ZNF407: variants seen among roughly 807,000 people sequenced by gnomAD.
The protein encoded by ZNF407 is zinc finger protein 407.
ZNF407 carries 17 observed loss-of-function variants against 131.2 expected under a neutral mutation model. The ratio of observed to expected loss-of-function variants is 0.13; its 90% CI spans 0.09 to 0.19. The LOEUF is 0.19. Among genes scored for constraint, ZNF407 ranks in the 10% least tolerant of loss-of-function variants. The pLI is 1.00. For synonymous variants in ZNF407, 1,156 were observed against 1,062.0 expected (o/e 1.09, Z -1.72); for missense variants, 2,681 against 2,830.6 (o/e 0.95, Z 1.20).
intron 4 of ZNF407, among the ~76,000 whole-genome samples, chr18:74,839,911 C>T (rs1484627581): frequency 6.6e-6 from 1 of 152,164 alleles, no homozygotes; most frequent in East Asian, 1.9e-4. Flanking sequence ...CCGTTAGACT[C>T]TATAAAGCAC....
chr18:74,631,653 C>A lies in ZNF407; in HGVS notation c.634C>A (p.Pro212Thr). 6.2e-7 allele frequency: 1 copy of A among 1,613,962 alleles called. No individual in the cohort carries two copies. Among genetic ancestry groups the A allele is most frequent in the Non-Finnish European group, 8.5e-7 (1 of 1,179,880 alleles). The part of the protein sequence containing the change: ...EKHAESHMQQ[P>T]KEHTCCHCSH... ...ACATGCTGAGTCTCACATGCAGCAG[C>A]CTAAGGAACATACCTGTTGTCACTG... Residue 212 changes from proline to threonine, a missense_variant, in exon 2 of 9, where the codon CCT (proline) becomes ACT (threonine). Coordinates refer to ENST00000299687, the MANE Select transcript of ZNF407 (RefSeq NM_017757.3).
In ZNF407 at chr18:74,740,432, G is replaced by A. The variant is rs540864814; in HGVS notation, c.4803-40996G>A. Among the ~76,000 whole-genome samples the A allele has an allele frequency of 2.6e-5, 4 of 152,294 alleles. No individual in the cohort carries two copies. In the East Asian group the frequency reaches 7.7e-4, roughly 29 times the overall value. ...TAACGTTTACAGGTTCCAGGGGTTA[G>A]GACCCGATATCTTTGGGGATCACCA... On this transcript the variant is annotated intron_variant, in intron 3 of 8. Transcript: ENST00000299687.
At chr18:74,714,713 G>T (rs1274449570) in intron 3 of ZNF407, among the ~76,000 whole-genome samples, 2 of 151,988 alleles carry the variant, frequency 1.3e-5, no homozygotes, top group African/African-American at 4.8e-5. Context: ...TCATATGTGG[G>T]TTGAACAATA....
At chr18:74,664,512 C>A (rs913965726) in intron 3 of ZNF407, among the ~76,000 whole-genome samples, 1 of 152,114 alleles carries the variant, frequency 6.6e-6, no homozygotes, top group Non-Finnish European at 1.5e-5. Context: ...AACAAACAAA[C>A]AAACAAAAGG....
At chr18:74,691,846 C>G (rs924853094) in intron 3 of ZNF407, among the ~76,000 whole-genome samples, 2 of 152,120 alleles carry the variant, frequency 1.3e-5, no homozygotes, top group Non-Finnish European at 2.9e-5. Context: ...GTAATCCCAG[C>G]ACTTTGGGAG....
intron 4 of ZNF407, among the ~76,000 whole-genome samples, chr18:74,827,376 C>T (rs144133428): frequency 7.2e-5 from 11 of 152,164 alleles, no homozygotes; most frequent in Non-Finnish European, 1.3e-4. Flanking sequence ...TTTCTGTTGA[C>T]ATTTCTTTTC....
intron 4 of ZNF407, among the ~76,000 whole-genome samples, chr18:74,856,573 G>A (rs1299673001): frequency 1.3e-5 from 2 of 152,110 alleles, no homozygotes; most frequent in African/African-American, 2.4e-5. Flanking sequence ...CCTTGGAAGT[G>A]TTTTCTGTCC....
chr18:74,655,459 G>T (rs1008733774), intron 3 of ZNF407, among the ~76,000 whole-genome samples: 1 of 151,912 alleles, frequency 6.6e-6, no homozygotes, highest in African/African-American at 2.4e-5. Context: ...AACTGGACTG[G>T]TATCTATCCA....
In ZNF407 at chr18:74,890,621, G is replaced by A. The variant is rs530897371; in HGVS notation, c.5249+583G>A. On this transcript the variant is annotated intron_variant, in intron 7 of 8. Coordinates refer to ENST00000299687, the MANE Select transcript of ZNF407 (RefSeq NM_017757.3). Reference sequence around the variant, plus strand: ...TTAATCAGTTGTTCAACCCATTTATGGTATCTTGTCTAGAGTATAGCACTC... The same window carrying A: ...TTAATCAGTTGTTCAACCCATTTATAGTATCTTGTCTAGAGTATAGCACTC... Among the ~76,000 whole-genome samples the A allele has an allele frequency of 4.6e-5, 7 of 152,238 alleles. No individual in the cohort carries two copies. The East Asian group carries it at 1.3e-3, about 29-fold the overall frequency.
At chr18:74,734,635 C>T (rs1184386407) in intron 3 of ZNF407, among the ~76,000 whole-genome samples, 3 of 146,376 alleles carry the variant, frequency 2.0e-5, no homozygotes, top group African/African-American at 7.6e-5. Flanking sequence ...TAGTTTTCTG[C>T]CTATTTTTTA....
chr18:74,773,959 G>T (rs1205127311), intron 3 of ZNF407, among the ~76,000 whole-genome samples: 2 of 152,224 alleles, frequency 1.3e-5, no homozygotes, highest in African/African-American at 2.4e-5. Context: ...CAGGTCTGGA[G>T]CATGGACAGT....
rs183381017 is a variant in ZNF407 at position 74,778,235 on chromosome 18, C to T, written c.4803-3193C>T. The stretch of plus-strand genomic sequence containing the variant: ...TCACTTACCAGCCCCCAGGTTTATG[C>T]TCCCACATCACATCTGTGAGAATGA... On this transcript the variant is annotated intron_variant, in intron 3 of 8. Coordinates refer to ENST00000299687, the MANE Select transcript of ZNF407 (RefSeq NM_017757.3). Among the ~76,000 whole-genome samples, 6 of 152,220 alleles carry T rather than the reference C, an allele frequency of 3.9e-5. No homozygotes were observed. In the East Asian group the frequency reaches 9.7e-4, roughly 25 times the overall value.
intron 3 of ZNF407, among the ~76,000 whole-genome samples, chr18:74,669,905 A>G (rs1986075918): frequency 1.3e-5 from 2 of 152,234 alleles, no homozygotes; most frequent in Admixed American, 1.3e-4. Context: ...CAGTTTTTAG[A>G]TAATTTAATT....
At chr18:75,007,688 C>T (rs1429237625) in intron 8 of ZNF407, among the ~76,000 whole-genome samples, 1 of 152,148 alleles carries the variant, frequency 6.6e-6, no homozygotes, top group Non-Finnish European at 1.5e-5. Flanking sequence ...TTCTGATCAA[C>T]TTTGTGTGTC....
intron 3 of ZNF407, among the ~76,000 whole-genome samples, chr18:74,699,465 G>A (rs1003103652): frequency 3.3e-5 from 5 of 152,150 alleles, no homozygotes; most frequent in African/African-American, 1.2e-4. Flanking sequence ...GAAGATAGTT[G>A]TAACCTGAGC....
Position 74,892,879 on chromosome 18 carries a change from G to A in ZNF407, c.5249+2841G>A, listed in dbSNP as rs762509658. ...AATGCTCATGCCTAAGTCTGTGCATGTTCCAGATTTTTTAAAATGGCATTT... is the reference window on the plus strand; with the variant it reads ...AATGCTCATGCCTAAGTCTGTGCATATTCCAGATTTTTTAAAATGGCATTT... On this transcript the variant is annotated intron_variant, in intron 7 of 8. Coordinates refer to ENST00000299687, the MANE Select transcript of ZNF407 (RefSeq NM_017757.3). Among the ~76,000 whole-genome samples, 6 of 152,108 alleles carry A rather than the reference G, an allele frequency of 3.9e-5. No homozygotes were observed. The East Asian group carries it at 9.6e-4, about 24-fold the overall frequency.
intron 1 of ZNF407, among the ~76,000 whole-genome samples, chr18:74,606,637 AGTCCTGAACT>A (rs775925349): frequency 4.7e-4 from 71 of 152,320 alleles, no homozygotes; most frequent in Non-Finnish European, 9.6e-4. Context: ...CACAGAGCAC[AGTCCTGAACT>A]GTGGTGGAGT....
At chr18:74,739,100 A>G (rs1026353573) in intron 3 of ZNF407, among the ~76,000 whole-genome samples, 1 of 151,900 alleles carries the variant, frequency 6.6e-6, no homozygotes, top group African/African-American at 2.4e-5. Flanking sequence ...TCTGATTAAT[A>G]TTTCATACGG....
At chr18:74,714,774 A>G (rs141410786) in intron 3 of ZNF407, among the ~76,000 whole-genome samples, 115 of 152,338 alleles carry the variant, frequency 7.5e-4, no homozygotes, top group African/African-American at 2.3e-3. Flanking sequence ...TCATAGTATC[A>G]GGTAATGTTT....
Sources: gnomAD v4.1 joint callset for allele counts (sites outside exome capture counted in the v4.1 genomes callset) on GRCh38, gnomAD v4.1.1 for gene constraint, MANE v1.5 for transcripts, NCBI Gene and HGNC (gene_info 2026-07-23, HGNC 2026-07-21) for gene names.